ZNF254: variants seen among roughly 807,000 people sequenced by gnomAD.
The protein encoded by ZNF254 is zinc finger protein 254.
A neutral mutation model predicts 12.4 loss-of-function variants in ZNF254; 10 were observed. The observed-to-expected ratio is 0.80, with a 90% CI of 0.50 to 1.36. The LOEUF (loss-of-function observed/expected upper bound fraction) is 1.36. Ranked by LOEUF, ZNF254 falls within the 40% of genes most tolerant of loss-of-function variation. The pLI is 0.00. For missense variants in ZNF254, 996 were observed against 763.9 expected (o/e 1.30, Z -3.58); for synonymous variants, 305 against 253.4 (o/e 1.20, Z -1.93).
intron 2 of ZNF254, among the ~76,000 whole-genome samples, chr19:24,072,896 C>T (rs1192463782): frequency 1.3e-5 from 2 of 152,176 alleles, no homozygotes; most frequent in African/African-American, 4.8e-5. Flanking sequence ...ATGTTACTCT[C>T]CTGTTTTCTT....
chr19:24,049,593 T>C (rs543965621), intron 2 of ZNF254: 4 of 152,196 alleles, frequency 2.6e-5, no homozygotes, highest in African/African-American at 9.6e-5. Flanking sequence ...ACAGAAGACA[T>C]TGTGACATAT....
intron 3 of ZNF254, among the ~76,000 whole-genome samples, chr19:24,125,516 AAAAG>A (rs1974774657): frequency 6.6e-6 from 1 of 152,150 alleles, no homozygotes; most frequent in African/African-American, 2.4e-5. Context: ...AGACATTAAA[AAAAG>A]CTACTTGTCA....
intron 2 of ZNF254, among the ~76,000 whole-genome samples, chr19:24,068,947 A>G (rs1176384071): frequency 6.6e-6 from 1 of 152,158 alleles, no homozygotes; most frequent in Non-Finnish European, 1.5e-5. Context: ...TATTCTATAA[A>G]GCCCTCGGGT....
chr19:24,106,752 T>C, intron 3 of ZNF254, 109 bp downstream of exon 3: 1 of 1,047,042 alleles, frequency 9.6e-7, no homozygotes, highest in Admixed American at 2.6e-5. Context: ...AAATAGTTTC[T>C]GGGAAGCCTA....
chr19:24,046,383 A>ATATATATATATATATATATATT (rs1970389829), intron 2 of ZNF254: 1 of 96,638 alleles, frequency 1.0e-5, no homozygotes. Context: ...TTATATATAT[A>ATATATATATATATATATATATT]TATATATATA....
At chr19:24,067,718 T>C (rs1971328948) in intron 2 of ZNF254, among the ~76,000 whole-genome samples, 1 of 151,398 alleles carries the variant, frequency 6.6e-6, no homozygotes, top group Non-Finnish European at 1.5e-5. Context: ...GCTTGGACTC[T>C]GACCAAAAAG....
intron 2 of ZNF254, among the ~76,000 whole-genome samples, chr19:24,062,249 T>A (rs1971106247): frequency 1.3e-5 from 2 of 152,150 alleles, no homozygotes; most frequent in African/African-American, 4.8e-5. Flanking sequence ...TTAGATCATG[T>A]TTCATGTAAG....
At chr19:24,106,432 G>A (rs749835728) in intron 2 of ZNF254, 116 bp from the exon 3 acceptor site, 3 of 750,696 alleles carry the variant, frequency 4.0e-6, no homozygotes, top group Non-Finnish European at 5.9e-6. Flanking sequence ...TTATAAATTA[G>A]TGTATTAGAA....
At chr19:24,055,886 TA>T (rs1210665806) in intron 2 of ZNF254, among the ~76,000 whole-genome samples, 5 of 152,204 alleles carry the variant, frequency 3.3e-5, no homozygotes, top group Non-Finnish European at 7.3e-5. Flanking sequence ...TAGGAAGGGT[TA>T]ACCTCCTTTA....
At chr19:24,063,086 C>T (rs1255093098) in intron 2 of ZNF254, among the ~76,000 whole-genome samples, 4 of 152,172 alleles carry the variant, frequency 2.6e-5, no homozygotes, top group Admixed American at 6.5e-5. Context: ...CAGGTGTGAG[C>T]CTCCTTGCCT....
rs1042072849 is a variant in ZNF254, at chr19:24,048,288, CT to C, written c.-94+2011del. Among the ~76,000 whole-genome samples the C allele has an allele frequency of 7.2e-5, 11 of 152,022 alleles. No homozygotes were observed. The East Asian group carries it at 1.2e-3, about 16-fold the overall frequency. ...GAGGCCGGCCACTGAGGTGGGCCAC[CT>C]TGGGGGGAATAAGTTTCCAACGGGG... On this transcript the variant is annotated intron_variant, in intron 2 of 4. Coordinates refer to the ZNF254 transcript ENST00000613065.
At chr19:24,116,853 G>C (rs1483174665) in intron 3 of ZNF254, among the ~76,000 whole-genome samples, 2 of 152,108 alleles carry the variant, frequency 1.3e-5, no homozygotes, top group African/African-American at 4.8e-5. Context: ...TGACGATGGT[G>C]ATGTACAGAT....
At chr19:24,106,675 G>T in intron 3 of ZNF254, 32 bp downstream of exon 3, 1 of 1,526,672 alleles carries the variant, frequency 6.6e-7, no homozygotes, top group Non-Finnish European at 8.9e-7. Context: ...AGATGACATG[G>T]ATGAGAGGTC....
intron 3 of ZNF254, among the ~76,000 whole-genome samples, chr19:24,117,543 C>T (rs182538334): frequency 2.2e-4 from 34 of 152,250 alleles, no homozygotes; most frequent in East Asian, 1.4e-3. Context: ...TTAAGCCCGT[C>T]GGAAAAGCGC....
chr19:24,115,427 A>C (rs1252328663), intron 3 of ZNF254, among the ~76,000 whole-genome samples: 1 of 149,568 alleles, frequency 6.7e-6, no homozygotes, highest in Non-Finnish European at 1.5e-5. Context: ...TCGCAAGAAC[A>C]AAAAACCAAA....
intron 1 of ZNF254, among the ~76,000 whole-genome samples, chr19:24,094,584 C>T (rs1972568273): frequency 6.6e-6 from 1 of 151,996 alleles, no homozygotes; most frequent in African/African-American, 2.4e-5. Context: ...TTATCTTTTG[C>T]CTAATTACTC....
intron 1 of ZNF254, among the ~76,000 whole-genome samples, chr19:24,044,395 G>C (rs1430276625): frequency 6.6e-6 from 1 of 151,818 alleles, no homozygotes; most frequent in Non-Finnish European, 1.5e-5. Context: ...AAAATTAGCC[G>C]GGCATGGTGG....
At chr19:24,100,619 CA>C (rs1040219075) in intron 1 of ZNF254, among the ~76,000 whole-genome samples, 1 of 151,450 alleles carries the variant, frequency 6.6e-6, no homozygotes, top group Admixed American at 6.6e-5. Flanking sequence ...TACAGTCAAT[CA>C]ATAATTAAAG....
chr19:24,054,893 G>A (rs1245660462), intron 2 of ZNF254, among the ~76,000 whole-genome samples: 2 of 152,044 alleles, frequency 1.3e-5, no homozygotes, highest in African/African-American at 2.4e-5. Flanking sequence ...CATTTATACT[G>A]GATAAAGCCT....
Sources: gnomAD v4.1 joint callset for allele counts (sites outside exome capture counted in the v4.1 genomes callset) on GRCh38, gnomAD v4.1.1 for gene constraint, MANE v1.5 for transcripts, NCBI Gene and HGNC (gene_info 2026-07-23, HGNC 2026-07-21) for gene names.